Variants in RAP1GDS1 observed in about 807,000 individuals in gnomAD.
The protein encoded by RAP1GDS1 is RAP1, GTP-GDP dissociation stimulator 1.
Under a neutral mutation model 71.1 loss-of-function variants are expected in RAP1GDS1, and 35 were observed. The observed-to-expected ratio is 0.49, with a 90% CI of 0.38 to 0.65. The LOEUF is 0.65. Ranked by LOEUF, RAP1GDS1 falls within the 30% of genes least tolerant of loss-of-function variation. The pLI is 0.00. For missense variants in RAP1GDS1, 663 were observed against 706.1 expected, an observed-to-expected ratio of 0.94 and a Z score of 0.69; for synonymous variants, 229 against 243.1, an observed-to-expected ratio of 0.94 and a Z score of 0.54.
At chr4:98,412,207 T>C (rs572219085) in intron 7 of RAP1GDS1, among the ~76,000 whole-genome samples, 1 of 152,100 alleles carries the variant, frequency 6.6e-6, no homozygotes, top group Non-Finnish European at 1.5e-5. Flanking sequence ...ACTGAAAAAA[T>C]AAAGTTTAAA....
intron 2 of RAP1GDS1, among the ~76,000 whole-genome samples, chr4:98,309,710 T>C (rs1729922701): frequency 6.6e-6 from 1 of 151,960 alleles, no homozygotes; most frequent in South Asian, 2.1e-4. Context: ...TATAAAATAC[T>C]ACGTTGTTTT....
At chr4:98,275,044 G>C (rs908119847) in intron 1 of RAP1GDS1, among the ~76,000 whole-genome samples, 2 of 152,038 alleles carry the variant, frequency 1.3e-5, no homozygotes, top group Admixed American at 1.3e-4. Flanking sequence ...GTGTGTGTGT[G>C]TGTGTGTCTG....
At chr4:98,392,584 C>G (rs1238284028) in intron 6 of RAP1GDS1, among the ~76,000 whole-genome samples, 1 of 152,070 alleles carries the variant, frequency 6.6e-6, no homozygotes, top group Non-Finnish European at 1.5e-5. Context: ...GCCAGTAGTC[C>G]TAGCTACTCA....
chr4:98,365,723 A>G (rs746015475), intron 4 of RAP1GDS1, among the ~76,000 whole-genome samples: 4 of 152,184 alleles, frequency 2.6e-5, no homozygotes, highest in Non-Finnish European at 2.9e-5. Context: ...CTTTTTTTAA[A>G]TGTTACTTTT....
intron 12 of RAP1GDS1, among the ~76,000 whole-genome samples, chr4:98,428,032 A>G (rs1458550172): frequency 6.6e-6 from 1 of 152,190 alleles, no homozygotes; most frequent in African/African-American, 2.4e-5. Context: ...TGAACAGAAT[A>G]GAGAACCGAG....
At chr4:98,381,971 A>G (rs1742091780) in intron 5 of RAP1GDS1, among the ~76,000 whole-genome samples, 1 of 151,672 alleles carries the variant, frequency 6.6e-6, no homozygotes, top group South Asian at 2.1e-4. Context: ...TTCATACAGT[A>G]AAACTCAGAG....
intron 7 of RAP1GDS1, among the ~76,000 whole-genome samples, chr4:98,413,991 GT>G (rs989829042): frequency 6.6e-6 from 1 of 152,096 alleles, no homozygotes; most frequent in African/African-American, 2.4e-5. Context: ...ATTTTTTCAT[GT>G]GTTTTTTGGC....
chr4:98,305,687 A>G (rs1729210966), intron 2 of RAP1GDS1, among the ~76,000 whole-genome samples: 2 of 152,182 alleles, frequency 1.3e-5, no homozygotes, highest in South Asian at 4.1e-4. Context: ...GAAGCACTGT[A>G]CTTTATAAAA....
chr4:98,344,882 T>C (rs1223510921), intron 3 of RAP1GDS1, among the ~76,000 whole-genome samples: 3 of 152,200 alleles, frequency 2.0e-5, no homozygotes, highest in African/African-American at 7.2e-5. Flanking sequence ...TGAAGTGTAG[T>C]GGCAGGATCA....
At chr4:98,329,019 G>T (rs1389399260) in intron 2 of RAP1GDS1, among the ~76,000 whole-genome samples, 3 of 152,192 alleles carry the variant, frequency 2.0e-5, no homozygotes, top group Non-Finnish European at 4.4e-5. Flanking sequence ...TCACTGTGAG[G>T]CTGGGAACCC....
chr4:98,314,488 T>C (rs1560819224), intron 2 of RAP1GDS1, among the ~76,000 whole-genome samples: 1 of 152,230 alleles, frequency 6.6e-6, no homozygotes, highest in Non-Finnish European at 1.5e-5. Context: ...TCAATACATG[T>C]AACTTGCTTC....
At chr4:98,294,407 G>T (rs1297000270) in intron 2 of RAP1GDS1, among the ~76,000 whole-genome samples, 1 of 151,662 alleles carries the variant, frequency 6.6e-6, no homozygotes, top group African/African-American at 2.4e-5. Context: ...ATAATTGATT[G>T]CAGTACTTTT....
intron 3 of RAP1GDS1, among the ~76,000 whole-genome samples, chr4:98,349,008 T>A (rs1470818748): frequency 6.6e-6 from 1 of 152,206 alleles, no homozygotes; most frequent in East Asian, 1.9e-4. Flanking sequence ...TTTGTTACCA[T>A]TGCTTTTGGT....
chr4:98,339,682 C>T (rs1378053857), intron 2 of RAP1GDS1, among the ~76,000 whole-genome samples: 2 of 152,036 alleles, frequency 1.3e-5, no homozygotes, highest in Non-Finnish European at 2.9e-5. Flanking sequence ...CTGAGAACAT[C>T]CTCAGTTCAC....
chr4:98,391,987 A>G lies in RAP1GDS1; in HGVS notation c.544A>G (p.Ile182Val). The stretch of plus-strand genomic sequence containing the variant: ...AGCTCAGCTTATCAATATGGGTGTT[A>G]TTCCTACCTTAGTGAAATTACTGGG... ...LQAQLINMGV[I>V]PTLVKLLGIH... The change falls in exon 6 of 15, where the codon ATT becomes GTT. Residue 182 changes from isoleucine to valine, a missense_variant. Physicochemically the swap from Ile to Val is conservative, Grantham distance 29. Coordinates refer to ENST00000408927, the MANE Select transcript of RAP1GDS1 (RefSeq NM_001100427.2). The G allele has an allele frequency of 6.2e-7, 1 of 1,610,290 alleles. No individual in the cohort carries two copies. Among genetic ancestry groups the G allele is most frequent in the Non-Finnish European group, 8.5e-7 (1 of 1,177,664 alleles).
At chr4:98,321,751 A>C (rs1223390872) in intron 2 of RAP1GDS1, among the ~76,000 whole-genome samples, 1 of 118,386 alleles carries the variant, frequency 8.4e-6, no homozygotes, top group Non-Finnish European at 1.7e-5. Flanking sequence ...GCCTGCCCTA[A>C]AAGAGCTCCT....
intron 5 of RAP1GDS1, among the ~76,000 whole-genome samples, chr4:98,379,738 G>A (rs1247861109): frequency 6.6e-6 from 1 of 151,760 alleles, no homozygotes; most frequent in Non-Finnish European, 1.5e-5. Flanking sequence ...AGCCTATATG[G>A]TTAATTAAAT....
At chr4:98,412,791 C>T (rs973151863) in intron 7 of RAP1GDS1, among the ~76,000 whole-genome samples, 1 of 151,954 alleles carries the variant, frequency 6.6e-6, no homozygotes, top group Non-Finnish European at 1.5e-5. Flanking sequence ...TCGGTAGGTC[C>T]GTGATGTCCC....
At position 98,264,405 on chromosome 4, in the gene RAP1GDS1, T is replaced by A. The variant is rs575715949; in HGVS notation, c.4+2836T>A. 3.3e-3 allele frequency among the ~76,000 whole-genome samples: 503 copies of A among 151,594 alleles called. 5 individuals carry two copies. The highest frequency in any genetic ancestry group is 7.8e-3 in the East Asian group (40 of 5,144). ...GAGGGAAACTCTGTCTCAAAAAAAA[T>A]ATATATATATATTCTCATGGCAATA... On this transcript the variant is annotated intron_variant, in intron 1 of 14. Transcript: ENST00000408927.
Sources: allele counts gnomAD v4.1 joint callset (sites outside exome capture counted in the v4.1 genomes callset), GRCh38; gene constraint gnomAD v4.1.1; transcripts MANE v1.5; gene names NCBI Gene and HGNC (gene_info 2026-07-23, HGNC 2026-07-21).